TDRD1: variants seen among roughly 807,000 people sequenced by gnomAD.
TDRD1 encodes the protein tudor domain containing 1, also known as tudor domain-containing protein 1.
TDRD1 carries 37 observed loss-of-function variants against 140.6 expected under a neutral mutation model. The ratio of observed to expected loss-of-function variants is 0.26; its 90% CI spans 0.20 to 0.35. The LOEUF (loss-of-function observed/expected upper bound fraction) is 0.35, where lower values mean the gene tolerates loss of function less well. Ranked by LOEUF, TDRD1 falls within the 10% of genes least tolerant of loss-of-function variation. The probability of loss-of-function intolerance (pLI) is 1.00; values close to 1 mark genes in which losing one functional copy is unlikely to be tolerated. For missense variants in TDRD1, 1,243 were observed against 1,393.0 expected (o/e 0.89, Z 1.71); for synonymous variants, 506 against 475.7 (o/e 1.06, Z -0.83).
rs745365325 is a variant in TDRD1, at chr10:114,210,817, T to C, written c.1553-43T>C. ...CAAGAGACTTGACATGTAGAAATAA[T>C]GTATAGATACGTATTTCTTTAAGAT... On this transcript the variant is annotated intron_variant, in intron 12 of 25. Transcript: ENST00000251864. 5 of 1,612,838 alleles carry C rather than the reference T, an allele frequency of 3.1e-6. No individual in the cohort carries two copies. The East Asian group carries it at 6.7e-5, about 22-fold the overall frequency.
intron 3 of TDRD1, among the ~76,000 whole-genome samples, chr10:114,191,709 G>T (rs1403209834): frequency 6.6e-6 from 1 of 152,158 alleles, no homozygotes; most frequent in Non-Finnish European, 1.5e-5. Context: ...ATATGAACAC[G>T]TTTTTAATGC....
At chr10:114,180,968 C>T (rs1368858661) in intron 1 of TDRD1, among the ~76,000 whole-genome samples, 1 of 152,024 alleles carries the variant, frequency 6.6e-6, no homozygotes. Flanking sequence ...TCTTAGGAAG[C>T]CCCCAGCAAC....
intron 23 of TDRD1, 41 bp from the exon 24 acceptor site, chr10:114,227,869 A>T (rs898037510): frequency 6.4e-6 from 10 of 1,552,900 alleles, no homozygotes; most frequent in Non-Finnish European, 8.0e-6. Context: ...TCTTCTTTAC[A>T]TTATGTGTTA....
upstream of TDRD1, among the ~76,000 whole-genome samples, chr10:114,176,867 A>G (rs12242939): frequency 0.26 from 39,147 of 152,148 alleles, 5,352 homozygotes; most frequent in African/African-American, 0.33. This position sits in a 1 kb window ranked among gnomAD's most constrained non-coding sequence, Gnocchi z 4.2. Context: ...TTTTGGTGAT[A>G]TTACTTAAAA....
chr10:114,199,537 A>G (rs2034589825), intron 4 of TDRD1, among the ~76,000 whole-genome samples: 1 of 152,132 alleles, frequency 6.6e-6, no homozygotes, highest in African/African-American at 2.4e-5. Flanking sequence ...TTTTAGGGGA[A>G]GCTCACATGC....
At chr10:114,210,627 C>T (rs1466507597) in exon 12 of TDRD1, 13 of 1,608,978 alleles carry the variant, frequency 8.1e-6, no homozygotes, top group African/African-American at 5.3e-5. Context: ...ACAACATTGT[C>T]GTAGACAAAA....
chr10:114,188,423 C>G (rs1258015212), intron 2 of TDRD1, among the ~76,000 whole-genome samples: 1 of 152,204 alleles, frequency 6.6e-6, no homozygotes, highest in African/African-American at 2.4e-5. Flanking sequence ...AGGAAACACT[C>G]TGGCTTTTTT....
chr10:114,185,026 A>C (rs563482866), intron 1 of TDRD1, among the ~76,000 whole-genome samples: 8 of 152,290 alleles, frequency 5.3e-5, no homozygotes, highest in African/African-American at 1.9e-4. Flanking sequence ...TGTTACTCAT[A>C]CAGTCTTTAC....
upstream of TDRD1, among the ~76,000 whole-genome samples, chr10:114,176,803 A>T (rs2032704880): frequency 6.6e-6 from 1 of 152,158 alleles, no homozygotes; most frequent in African/African-American, 2.4e-5. The surrounding 1 kb of genome is among the most constrained non-coding windows in gnomAD (Gnocchi z 4.2). Flanking sequence ...AAAGGAGAAA[A>T]AGGAGAAAAG....
At chr10:114,201,798 T>C (rs2034761937) in intron 5 of TDRD1, among the ~76,000 whole-genome samples, 1 of 152,242 alleles carries the variant, frequency 6.6e-6, no homozygotes, top group African/African-American at 2.4e-5. Context: ...TTCCTGGATT[T>C]TAATAAGTTT....
chr10:114,176,483 C>T (rs545456329), upstream of TDRD1, among the ~76,000 whole-genome samples: 4 of 152,140 alleles, frequency 2.6e-5, no homozygotes, highest in African/African-American at 9.6e-5. This position sits in a 1 kb window ranked among gnomAD's most constrained non-coding sequence, Gnocchi z 4.2. Context: ...TAATCCCAGC[C>T]CTTTGGGAGG....
At chr10:114,202,966 C>T in intron 6 of TDRD1, 106 bp from the exon 7 acceptor site, 1 of 751,608 alleles carries the variant, frequency 1.3e-6, no homozygotes, top group South Asian at 1.5e-5. Flanking sequence ...TTTGTTCAAG[C>T]CTAAGAGTTA....
chr10:114,221,296 G>A, intron 19 of TDRD1, 61 bp from the exon 20 acceptor site: 2 of 1,497,772 alleles, frequency 1.3e-6, no homozygotes, highest in Non-Finnish European at 1.8e-6. Flanking sequence ...ATATGTTACT[G>A]AGGAAAACAA....
intron 16 of TDRD1, among the ~76,000 whole-genome samples, chr10:114,214,398 A>AC (rs2035676886): frequency 6.6e-6 from 1 of 152,098 alleles, no homozygotes; most frequent in African/African-American, 2.4e-5. Flanking sequence ...ATAGTGGCTC[A>AC]CTCCTATAAT....
At chr10:114,193,289 CTT>C (rs1170053036) in intron 3 of TDRD1, among the ~76,000 whole-genome samples, 8 of 83,704 alleles carry the variant, frequency 9.6e-5, no homozygotes, top group African/African-American at 1.5e-4. Context: ...TTGCTGAAGT[CTT>C]TTTTTTTTTT....
chr10:114,204,731 T>TTTTTTTG lies in TDRD1; in HGVS notation c.1135_1136insTTTTTTG (p.Cys379PhefsTer18). ...GCGTAAAATTTTTCAGGCCATAAAG[T>TTTTTTTG]GCTTTGTAGCCAATGTTATCCCAGC... On this transcript the variant is annotated frameshift_variant, in exon 10 of 26. Transcript: ENST00000251864. LOFTEE classifies it high-confidence loss of function. 6.3e-7 allele frequency: 1 copy of TTTTTTTG among 1,584,258 alleles called. No homozygotes were observed. Among genetic ancestry groups the TTTTTTTG allele is most frequent in the Non-Finnish European group, 8.5e-7 (1 of 1,171,452 alleles).
At chr10:114,202,337 CTT>C in intron 6 of TDRD1, 39 bp downstream of exon 6, 1 of 1,363,304 alleles carries the variant, frequency 7.3e-7, no homozygotes, top group Non-Finnish European at 1.0e-6. Flanking sequence ...AATAACTCCT[CTT>C]TATTGAATTA....
exon 5 of TDRD1, chr10:114,201,422 G>A: frequency 6.2e-7 from 1 of 1,613,778 alleles, no homozygotes; most frequent in Non-Finnish European, 8.5e-7. Flanking sequence ...TCGCTGAGGT[G>A]CTCTCAGTGC....
At chr10:114,187,093 A>G (rs2033595219) in intron 1 of TDRD1, among the ~76,000 whole-genome samples, 1 of 152,200 alleles carries the variant, frequency 6.6e-6, no homozygotes, top group African/African-American at 2.4e-5. Flanking sequence ...AAAACAAGCC[A>G]CCATCTTTTG....
Sources: gnomAD v4.1 joint callset for allele counts (sites outside exome capture counted in the v4.1 genomes callset) on GRCh38, gnomAD v4.1.1 for gene constraint, Gnocchi (gnomAD v3.1) non-coding constraint, MANE v1.5 for transcripts, NCBI Gene and HGNC (gene_info 2026-07-23, HGNC 2026-07-21) for gene names.